The following CDKAL1 variants were observed in gnomAD, a reference collection of about 807,000 sequenced individuals.
CDKAL1 encodes the protein CDKAL1 threonylcarbamoyladenosine tRNA methylthiotransferase.
In CDKAL1, 32 loss-of-function variants were observed where a neutral mutation model predicts 68.2. The observed-to-expected ratio is 0.47, with a 90% confidence interval of 0.35 to 0.63. The LOEUF (loss-of-function observed/expected upper bound fraction) is 0.63, where lower values mean the gene tolerates loss of function less well. CDKAL1 is among the 30% of genes least tolerant of loss of function. The pLI is 0.00. For synonymous variants in CDKAL1, 234 were observed against 244.3 expected (o/e 0.96, Z 0.39); for missense variants, 606 against 696.7 (o/e 0.87, Z 1.47).
intron 5 of CDKAL1, among the ~76,000 whole-genome samples, chr6:20,658,922 C>T (rs1434598550): frequency 1.3e-5 from 2 of 152,160 alleles, no homozygotes; most frequent in Non-Finnish European, 2.9e-5. Context: ...CAAAGCAATT[C>T]TACCATCTCA....
chr6:20,900,481 G>A (rs1363960137), intron 9 of CDKAL1, among the ~76,000 whole-genome samples: 4 of 152,200 alleles, frequency 2.6e-5, no homozygotes, highest in Non-Finnish European at 5.9e-5. Flanking sequence ...GCAAATAACA[G>A]CACCAGCATC....
At chr6:21,069,770 CTTTCTTTTTTTTTTTTT>C (rs1411822217) in intron 12 of CDKAL1, among the ~76,000 whole-genome samples, 18 of 42,280 alleles carry the variant, frequency 4.3e-4, no homozygotes, top group East Asian at 5.6e-3. Context: ...CCCAGATTTT[CTTTCTTTTTTTTTTTTT>C]TTTTTTTTTT....
At chr6:20,832,596 C>A (rs1020860307) in intron 8 of CDKAL1, among the ~76,000 whole-genome samples, 1 of 151,994 alleles carries the variant, frequency 6.6e-6, no homozygotes, top group Non-Finnish European at 1.5e-5. Flanking sequence ...TTCGAGGGAG[C>A]ACTGAGCTGT....
At position 20,688,618 on chromosome 6, in the gene CDKAL1, C is replaced by A. The variant is rs192805908; in HGVS notation, c.371+39241C>A. 2.6e-5 allele frequency among the ~76,000 whole-genome samples: 4 copies of A among 152,118 alleles called. No homozygotes were observed. The East Asian group carries it at 7.7e-4, about 29-fold the overall frequency. ...TGTTTTTTGTTCTGTTTTAGAATTT[C>A]TTTTTGTCTGTTTACATTGCCCTTC... On this transcript the variant is annotated intron_variant, in intron 5 of 15. Transcript: ENST00000274695.
chr6:21,146,932 C>T (rs1189722637), intron 13 of CDKAL1, among the ~76,000 whole-genome samples: 2 of 150,924 alleles, frequency 1.3e-5, no homozygotes, highest in Non-Finnish European at 3.0e-5. Context: ...CAAAATAAAG[C>T]TTCTGTTTTC....
At chr6:21,049,790 T>G (rs1200020147) in intron 11 of CDKAL1, among the ~76,000 whole-genome samples, 1 of 151,950 alleles carries the variant, frequency 6.6e-6, no homozygotes, top group Non-Finnish European at 1.5e-5. Context: ...AATTCTTTGG[T>G]GTCATCTCAT....
chr6:21,216,431 A>G (rs1779340890), intron 15 of CDKAL1, among the ~76,000 whole-genome samples: 1 of 152,164 alleles, frequency 6.6e-6, no homozygotes, highest in Admixed American at 6.5e-5. Flanking sequence ...TTGCACCACT[A>G]AACTATAGCC....
chr6:21,196,758 A>G (rs1778483996), intron 13 of CDKAL1, among the ~76,000 whole-genome samples: 2 of 152,160 alleles, frequency 1.3e-5, no homozygotes, highest in African/African-American at 4.8e-5. Flanking sequence ...GTGGGCTTTA[A>G]TTTGGGGGGG....
intron 8 of CDKAL1, among the ~76,000 whole-genome samples, chr6:20,837,937 T>TTGTGTGTGTGTGTGTGTGTGTGTG (rs531904726): frequency 8.1e-6 from 1 of 123,176 alleles, no homozygotes; most frequent in Admixed American, 8.3e-5. Flanking sequence ...TGGGAAGAAA[T>TTGTGTGTGTGTGTGTGTGTGTGTG]TGTGTGTGTG....
At chr6:20,663,593 G>T (rs190854919) in intron 5 of CDKAL1, among the ~76,000 whole-genome samples, 2 of 152,042 alleles carry the variant, frequency 1.3e-5, no homozygotes, top group African/African-American at 4.8e-5. Context: ...TTAGTTGTTG[G>T]ACACACGTAT....
At position 20,694,878 on chromosome 6, in the gene CDKAL1, GA is replaced by G. The variant is rs536059997; in HGVS notation, c.372-44640del. ...GTGGGTTCTTGCTGTCTTAGTTCTG[GA>G]GAGAGCTAGTGGTTAAAAACAGCCT... On this transcript the variant is annotated intron_variant, in intron 5 of 15. Coordinates refer to ENST00000274695, the MANE Select transcript of CDKAL1 (RefSeq NM_017774.3). Among the ~76,000 whole-genome samples the G allele has an allele frequency of 1.7e-3, 256 of 152,168 alleles. 1 individual carries two copies. Among genetic ancestry groups the G allele is most frequent in the African/African-American group, 6.0e-3 (249 of 41,522 alleles).
intron 4 of CDKAL1, among the ~76,000 whole-genome samples, chr6:20,628,188 G>C (rs753800069): frequency 2.1e-4 from 32 of 152,112 alleles, no homozygotes; most frequent in Non-Finnish European, 4.0e-4. Flanking sequence ...TAGGGAGAAA[G>C]AATTTGTCTT....
intron 8 of CDKAL1, among the ~76,000 whole-genome samples, chr6:20,813,346 T>C (rs1776903496): frequency 6.6e-6 from 1 of 152,224 alleles, no homozygotes; most frequent in Non-Finnish European, 1.5e-5. Context: ...TTTTATATGC[T>C]AGATACAAGT....
intron 9 of CDKAL1, among the ~76,000 whole-genome samples, chr6:20,854,985 C>T (rs1759249143): frequency 6.6e-6 from 1 of 152,160 alleles, no homozygotes; most frequent in African/African-American, 2.4e-5. Context: ...GCTTCTTGAA[C>T]ACTTATTGTC....
intron 4 of CDKAL1, among the ~76,000 whole-genome samples, chr6:20,594,692 GT>G: frequency 6.6e-6 from 1 of 152,160 alleles, no homozygotes; most frequent in Non-Finnish European, 1.5e-5. Context: ...TATGGTTAGC[GT>G]TGTTATATGT....
intron 9 of CDKAL1, among the ~76,000 whole-genome samples, chr6:20,877,289 G>A (rs1760569260): frequency 1.3e-5 from 2 of 152,212 alleles, no homozygotes; most frequent in African/African-American, 4.8e-5. Context: ...TTCTGACCTG[G>A]ACAGATTTGT....
chr6:20,649,569 TA>T (rs1768652383), intron 5 of CDKAL1, among the ~76,000 whole-genome samples, 192 bp downstream of exon 5: 1 of 152,208 alleles, frequency 6.6e-6, no homozygotes, highest in Non-Finnish European at 1.5e-5. Context: ...ATTTTTAAAT[TA>T]AATTTACTTT....
rs569897314 is a variant in CDKAL1, at chr6:21,205,640, C to T, written c.1548+4366C>T. Among the ~76,000 whole-genome samples the T allele has an allele frequency of 6.0e-5, 9 of 151,204 alleles. No homozygotes were observed. In the East Asian group the frequency reaches 1.6e-3, roughly 26 times the overall value. ...CCGCCTCCTGGGTTCACGCCATTCT[C>T]CTGCCGCAGCCTCCCGAGTAGCTGG... On this transcript the variant is annotated intron_variant, in intron 15 of 15. Transcript: ENST00000274695.
chr6:20,807,653 A>G (rs902636073), intron 8 of CDKAL1, among the ~76,000 whole-genome samples: 7 of 143,574 alleles, frequency 4.9e-5, no homozygotes, highest in Non-Finnish European at 9.3e-5. Context: ...ATCCAAAATT[A>G]AAAGCAAAAT....
Sources: gnomAD v4.1 joint callset for allele counts (sites outside exome capture counted in the v4.1 genomes callset) on GRCh38, gnomAD v4.1.1 for gene constraint, MANE v1.5 for transcripts, NCBI Gene and HGNC (gene_info 2026-07-23, HGNC 2026-07-21) for gene names.